ZNF219: variants seen among roughly 807,000 people sequenced by gnomAD.
The protein encoded by ZNF219 is zinc finger protein 219.
In ZNF219, 17 loss-of-function variants were observed where a neutral mutation model predicts 54.4. That is an observed-to-expected ratio of 0.31 (90% CI 0.21 to 0.47). The LOEUF (loss-of-function observed/expected upper bound fraction) is 0.47, where lower values mean the gene tolerates loss of function less well. Among genes scored for constraint, ZNF219 ranks in the 20% least tolerant of loss-of-function variants. The pLI, the probability that ZNF219 is intolerant of heterozygous loss-of-function variation, is 1.00. For synonymous variants in ZNF219, 518 were observed against 476.4 expected (o/e 1.09, Z -1.14); for missense variants, 1,014 against 1,062.3 (o/e 0.95, Z 0.63).
chr14:21,092,995 C>G lies in ZNF219; in HGVS notation c.302G>C (p.Arg101Pro). The G allele has an allele frequency of 1.3e-6, 2 of 1,597,512 alleles. No homozygotes were observed. Among genetic ancestry groups the G allele is most frequent in the Middle Eastern group, 1.7e-4 (1 of 6,042 alleles). The change falls in exon 3 of 5, where the codon CGC (arginine) becomes CCC (proline). Residue 101 changes from arginine (R) to proline (P), a missense_variant. Physicochemically the swap from Arg to Pro is moderately radical, Grantham distance 103 (BLOSUM62 -2). Coordinates refer to ENST00000360947, the MANE Select transcript of ZNF219 (RefSeq NM_016423.3). The part of the protein sequence containing the change: ...GHRAAQRALL[R>P]SHLRTHQPER... ...GGGCTGGTGTGTGCGCAGGTGCGAG[C>G]GCAGCAGAGCCCGCTGCGCCGCGCG... is the stretch of plus-strand genomic sequence containing the variant.
Position 21,096,572 on chromosome 14 carries a change from G to A in ZNF219, c.-84+1740C>T, listed in dbSNP as rs149655923. On this transcript the variant is annotated intron_variant, in intron 1 of 4. Transcript: ENST00000360947. ...TAGTCAGGCCTTAAACACCATCCTCGAGACTTGGCCAGACAGCAGCACTGA... is the reference window on the plus strand; with the variant it reads ...TAGTCAGGCCTTAAACACCATCCTCAAGACTTGGCCAGACAGCAGCACTGA... Among the ~76,000 whole-genome samples the A allele has an allele frequency of 4.6e-3, 704 of 152,258 alleles. 2 individuals are homozygous for A. The highest frequency in any genetic ancestry group is 6.1e-3 in the Non-Finnish European group (417 of 68,026).
At position 21,091,081 on chromosome 14, in the gene ZNF219, T is replaced by C; in HGVS notation, c.1624A>G (p.Lys542Glu). Residue 542 changes from lysine (K) to glutamate (E), a missense_variant, in exon 5 of 5, where the codon AAG becomes GAG. By Grantham distance (56) the Lys-to-Glu change is moderately conservative (BLOSUM62 1). Around this residue, in one of 5 missense-constraint regions of ZNF219, gnomAD observed 281 missense variants for 271.2 expected, o/e 1.04. Coordinates refer to ENST00000360947, the MANE Select transcript of ZNF219 (RefSeq NM_016423.3). ...CGGTGGTGGCGCTGTAGGTGATACT[T>C]GAGCGAGCCGGACTGGGTGCCCGCG... ...DYAGTQSGSL[K>E]YHLQRHHREQ... The C allele has an allele frequency of 1.3e-6, 2 of 1,571,354 alleles. No homozygotes were observed. Among genetic ancestry groups the C allele is most frequent in the Non-Finnish European group, 1.7e-6 (2 of 1,163,060 alleles).
chr14:21,092,817 C>A lies in ZNF219; in HGVS notation c.480G>T (p.Ser160=), dbSNP rs1395612334. Residue 160 remains serine (S), a synonymous_variant, in exon 3 of 5, where the codon TCG becomes TCT. Coordinates refer to ENST00000360947, the MANE Select transcript of ZNF219 (RefSeq NM_016423.3). ...EGLARPQAPS[S]SAFRCPYCKG... ...TGCAGTAGGGGCAACGGAAGGCGGA[C>A]GATGAAGGAGCCTGGGGCCGCGCCA... 4.4e-6 allele frequency: 7 copies of A among 1,576,326 alleles called. No individual in the cohort carries two copies. Among genetic ancestry groups the A allele is most frequent in the Non-Finnish European group, 6.0e-6 (7 of 1,161,554 alleles).
rs367740470 is a variant in ZNF219, at chr14:21,090,732, G to C, written c.1973C>G (p.Pro658Arg). The part of the protein sequence containing the change: ...CLFCPFATGA[P>R]ELMALHLQVH... ...TTGAAGGTGCAAGGCCATGAGCTCTGGGGCTCCAGTGGCGAACGGGCAGAA... is the reference window on the plus strand; with the variant it reads ...TTGAAGGTGCAAGGCCATGAGCTCTCGGGCTCCAGTGGCGAACGGGCAGAA... The change falls in exon 5 of 5, where the codon CCA (proline) becomes CGA (arginine). Residue 658 changes from proline (P) to arginine (R), a missense_variant. Pro to Arg is a moderately radical substitution (Grantham distance 103, BLOSUM62 -2). Transcript: ENST00000360947. The surrounding 1 kb of genome is among the most constrained non-coding windows in gnomAD (Gnocchi z 4.4). 6.2e-7 allele frequency: 1 copy of C among 1,609,894 alleles called. No homozygotes were observed. The highest frequency in any genetic ancestry group is 8.5e-7 in the Non-Finnish European group (1 of 1,178,950).
rs867183550 is a variant in ZNF219 at position 21,090,996 on chromosome 14, C to T, written c.1709G>A (p.Arg570Gln). 1.9e-6 allele frequency: 3 copies of T among 1,551,336 alleles called. No homozygotes were observed. Among genetic ancestry groups the T allele is most frequent in the South Asian group, 1.2e-5 (1 of 85,198 alleles). The change falls in exon 5 of 5, where the codon CGG becomes CAG. Residue 570 changes from arginine to glutamine, a missense_variant. By Grantham distance (43) the Arg-to-Gln change is conservative. Coordinates refer to ENST00000360947, the MANE Select transcript of ZNF219 (RefSeq NM_016423.3). This position sits in a 1 kb window ranked among gnomAD's most constrained non-coding sequence, Gnocchi z 4.4. ...PPPEPPPPSQ[R>Q]GSAPQSGAKP... ...GGCTCCAGATTGCGGGGCCGAACCCCGCTGGGAAGGAGGCGGTGGCTCCGG... is the reference window on the plus strand; with the variant it reads ...GGCTCCAGATTGCGGGGCCGAACCCTGCTGGGAAGGAGGCGGTGGCTCCGG...
At chr14:21,104,583 T>C (rs534856978) in exon 1 of ZNF219, 1 of 152,396 alleles carries the variant, frequency 6.6e-6, no homozygotes, top group South Asian at 2.1e-4. Flanking sequence ...GAAGGCTTCT[T>C]TCCCTAGAGA....
chr14:21,099,471 C>T (rs1027855885), upstream of ZNF219, among the ~76,000 whole-genome samples: 63 of 152,070 alleles, frequency 4.1e-4, no homozygotes, highest in African/African-American at 1.4e-3. Context: ...CTCTTTAAAA[C>T]GTGACTCCCA....
rs763980712 is a variant in ZNF219, at chr14:21,092,772, C to G, written c.525G>C (p.Ser175=). The change falls in exon 3 of 5, where the codon TCG becomes TCC. Residue 175 remains serine, a synonymous_variant. Coordinates refer to ENST00000360947, the MANE Select transcript of ZNF219 (RefSeq NM_016423.3). ...CPYCKGKFRT[S]AERERHLHIL... ...TGTGCAGGTGGCGTTCGCGCTCCGC[C>G]GAGGTGCGAAACTTGCCTTTGCAGT... The G allele has an allele frequency of 1.3e-6, 2 of 1,581,514 alleles. No homozygotes were observed. Among genetic ancestry groups the G allele is most frequent in the East Asian group, 2.3e-5 (1 of 44,402 alleles).
In ZNF219 at chr14:21,092,559, C is replaced by T; in HGVS notation, c.738G>A (p.Pro246=). ...PQPEPRSVPQ[P]EPEPEPEREA... ...CACGTTCGGGCTCCGGCTCCGGCTC[C>T]GGCTGGGGGACTGATCTGGGTTCGG... Residue 246 remains proline (P), a synonymous_variant, in exon 3 of 5, where the codon CCG becomes CCA. Coordinates refer to ENST00000360947, the MANE Select transcript of ZNF219 (RefSeq NM_016423.3). 3 of 1,547,528 alleles carry T rather than the reference C, an allele frequency of 1.9e-6. No individual in the cohort carries two copies. The highest frequency in any genetic ancestry group is 2.6e-6 in the Non-Finnish European group (3 of 1,146,048).
upstream of ZNF219, chr14:21,102,171 C>T: frequency 6.6e-7 from 1 of 1,518,798 alleles, no homozygotes. Flanking sequence ...AAAACAGACA[C>T]CTACAACCCT....
intron 1 of ZNF219, among the ~76,000 whole-genome samples, chr14:21,094,726 T>TGTGGG (rs1555341860): frequency 1.7e-4 from 1 of 5,892 alleles, no homozygotes. Context: ...GGATAGGGGT[T>TGTGGG]GGGGGGGGGG....
upstream of ZNF219, chr14:21,102,029 ACC>A: frequency 6.4e-7 from 1 of 1,550,676 alleles, no homozygotes; most frequent in Non-Finnish European, 8.7e-7. Context: ...TCCTAACGGG[ACC>A]AGAGCTCAAC....
upstream of ZNF219, chr14:21,102,629 G>A (rs994300570): frequency 6.4e-7 from 1 of 1,551,274 alleles, no homozygotes; most frequent in African/African-American, 1.4e-5. Context: ...CTGTCTACCT[G>A]CAGCATGCTG....
rs771677594 is a variant in ZNF219, at chr14:21,090,554, C to T, written c.2151G>A (p.Leu717=). The part of the protein sequence containing the change: ...SGLSRPGEAG[L]GGQER ...GGGCCCACTACCGTTCTTGCCCCCC[C>T]AGCCCTGCCTCTCCGGGTCTGGACA... The change falls in exon 5 of 5, where the codon CTG becomes CTA. Residue 717 remains leucine, a synonymous_variant. Transcript: ENST00000360947. This position sits in a 1 kb window ranked among gnomAD's most constrained non-coding sequence, Gnocchi z 4.4. 5.6e-6 allele frequency: 9 copies of T among 1,599,088 alleles called. No individual in the cohort carries two copies. The Admixed American group carries it at 1.2e-4, about 21-fold the overall frequency.
Position 21,092,921 on chromosome 14 carries a change from G to A in ZNF219, c.376C>T (p.Arg126Cys), listed in dbSNP as rs1489910053. Residue 126 changes from arginine to cysteine, a missense_variant, in exon 3 of 5, where the codon CGC (arginine) becomes TGC (cysteine). Physicochemically the swap from Arg to Cys is radical, Grantham distance 180. Coordinates refer to ENST00000360947, the MANE Select transcript of ZNF219 (RefSeq NM_016423.3). ...AGTCGGGCCTCGCGTAGTAGCGCGCGCTCTTCCAACTCCAGCAACAGGCGT... is the reference window on the plus strand; with the variant it reads ...AGTCGGGCCTCGCGTAGTAGCGCGCACTCTTCCAACTCCAGCAACAGGCGT... ...AARLLLELEE[R>C]ALLREARLGR... 2.6e-6 allele frequency: 4 copies of A among 1,563,474 alleles called. No homozygotes were observed. Among genetic ancestry groups the A allele is most frequent in the Non-Finnish European group, 8.6e-7 (1 of 1,156,554 alleles).
chr14:21,103,073 T>C, upstream of ZNF219: 3 of 1,550,344 alleles, frequency 1.9e-6, no homozygotes, highest in Non-Finnish European at 2.6e-6. Context: ...AGGAAGCAGT[T>C]GTTTCTGTCT....
In ZNF219 at chr14:21,091,009, G is replaced by A; in HGVS notation, c.1696C>T (p.Pro566Ser). ...AGPGPPPEPP[P>S]PSQRGSAPQS... The stretch of plus-strand genomic sequence containing the variant: ...GGGGCCGAACCCCGCTGGGAAGGAG[G>A]CGGTGGCTCCGGGGGTGGCCCGGGG... The change falls in exon 5 of 5, where the codon CCT becomes TCT. Residue 566 changes from proline (P) to serine (S), a missense_variant. Coordinates refer to ENST00000360947, the MANE Select transcript of ZNF219 (RefSeq NM_016423.3). 1 of 1,553,594 alleles carries A rather than the reference G, an allele frequency of 6.4e-7. No individual in the cohort carries two copies. The highest frequency in any genetic ancestry group is 8.6e-7 in the Non-Finnish European group (1 of 1,156,182).
chr14:21,097,501 A>G (rs1889340108), intron 1 of ZNF219: 1 of 152,230 alleles, frequency 6.6e-6, no homozygotes, highest in Non-Finnish European at 1.5e-5. Context: ...CACCCACGTG[A>G]GCCTCGGTCC....
rs761202490 is a variant in ZNF219 at position 21,091,808 on chromosome 14, G to T, written c.1432+57C>A. On this transcript the variant is annotated intron_variant, in intron 3 of 4. Coordinates refer to ENST00000360947, the MANE Select transcript of ZNF219 (RefSeq NM_016423.3). ...AACAAGGAAGCTACGAGGGAGTGGCGGCGTAAGAGTCAGAGGAGGACGCGG... is the reference window on the plus strand; with the variant it reads ...AACAAGGAAGCTACGAGGGAGTGGCTGCGTAAGAGTCAGAGGAGGACGCGG... 9.5e-6 allele frequency: 14 copies of T among 1,479,678 alleles called. No individual in the cohort carries two copies. In the South Asian group the frequency reaches 2.0e-4, roughly 21 times the overall value. The allele number at this position is 1,479,678 out of a possible 1,614,324, so 91.7% of individuals were successfully genotyped here.
Sources: allele counts gnomAD v4.1 joint callset (sites outside exome capture counted in the v4.1 genomes callset), GRCh38; gene constraint gnomAD v4.1.1; regional missense constraint gnomAD v4.1.1; non-coding constraint Gnocchi (gnomAD v3.1); transcripts MANE v1.5; gene names NCBI Gene and HGNC (gene_info 2026-07-23, HGNC 2026-07-21).